The following NCOA2 variants were observed in gnomAD, a reference collection of about 807,000 sequenced individuals.
NCOA2 encodes the protein class E basic helix-loop-helix protein 75.
A neutral mutation model predicts 145.1 loss-of-function variants in NCOA2; 21 were observed. The observed-to-expected ratio is 0.14, with a 90% CI of 0.10 to 0.21. The LOEUF (loss-of-function observed/expected upper bound fraction) is 0.21, where lower values mean the gene tolerates loss of function less well. NCOA2 is among the 10% of genes least tolerant of loss of function. The probability of loss-of-function intolerance (pLI) is 1.00; values close to 1 mark genes in which losing one functional copy is unlikely to be tolerated. For missense variants in NCOA2, 1,472 were observed against 1,837.6 expected, an observed-to-expected ratio of 0.80 and a Z score of 3.64; for synonymous variants, 619 against 637.5, an observed-to-expected ratio of 0.97 and a Z score of 0.44.
intron 9 of NCOA2, among the ~76,000 whole-genome samples, chr8:70,162,278 C>T (rs1813112263): frequency 6.6e-6 from 1 of 152,200 alleles, no homozygotes; most frequent in African/African-American, 2.4e-5. Flanking sequence ...CTAGAAACAC[C>T]TGGATAGTCT....
upstream of NCOA2, among the ~76,000 whole-genome samples, chr8:70,408,569 C>T (rs549348970): frequency 6.6e-6 from 1 of 152,174 alleles, no homozygotes; most frequent in South Asian, 2.1e-4. Context: ...GAAGCTGAGG[C>T]GGGAAGATCA....
chr8:70,116,459 G>A (rs533174162), intron 22 of NCOA2, among the ~76,000 whole-genome samples: 12 of 151,888 alleles, frequency 7.9e-5, no homozygotes, highest in Non-Finnish European at 4.4e-5. Flanking sequence ...GTGGAGGCAG[G>A]AGATTCGCTT....
chr8:70,434,705 C>A, the NCOA2 span, among the ~76,000 whole-genome samples: 14 of 152,214 alleles, frequency 9.2e-5, no homozygotes, highest in African/African-American at 3.4e-4. Flanking sequence ...GTAGCTAGAA[C>A]TACATGTGGG....
intron 2 of NCOA2, among the ~76,000 whole-genome samples, chr8:70,290,988 A>G (rs139303843): frequency 1.3e-5 from 2 of 152,306 alleles, no homozygotes; most frequent in Non-Finnish European, 2.9e-5. Context: ...TAAAAATCCT[A>G]CTAACTGACC....
Position 70,156,051 on chromosome 8 carries a change from T to C in NCOA2, c.2314A>G (p.Lys772Glu), listed in dbSNP as rs750309364. The C allele has an allele frequency of 1.2e-6, 2 of 1,613,478 alleles. No homozygotes were observed. Among genetic ancestry groups the C allele is most frequent in the South Asian group, 1.1e-5 (1 of 91,024 alleles). ...ITPKLERLDS[K>E]TDPASNTKLI... The stretch of plus-strand genomic sequence containing the variant: ...TTTGTGTTACTGGCAGGATCTGTCT[T>C]ACTGTCCAGTCTCTCAAGTTTGGGG... The change falls in exon 11 of 23, where the codon AAG (lysine) becomes GAG (glutamate). Residue 772 changes from lysine (K) to glutamate (E), a missense_variant. This residue lies in a region of NCOA2 where 953 missense variants were observed against 1,062.1 expected (regional missense o/e 0.90). Transcript: ENST00000452400.
the NCOA2 span, among the ~76,000 whole-genome samples, chr8:70,410,800 G>A: frequency 3.3e-5 from 5 of 152,190 alleles, no homozygotes; most frequent in African/African-American, 9.7e-5. Flanking sequence ...AAAAGTAGTC[G>A]TACGGGTGCA....
chr8:70,421,760 T>TA, the NCOA2 span, among the ~76,000 whole-genome samples: 1,089 of 140,758 alleles, frequency 7.7e-3, 9 homozygotes, highest in African/African-American at 0.018. Flanking sequence ...GGGCTTTTGG[T>TA]AAAAAAAAAA....
chr8:70,367,916 G>GAAT (rs1810860516), intron 1 of NCOA2, among the ~76,000 whole-genome samples: 1 of 152,116 alleles, frequency 6.6e-6, no homozygotes, highest in African/African-American at 2.4e-5. Context: ...ACTTAATTCT[G>GAAT]TGTCTTTTTT....
At chr8:70,179,433 G>A (rs1263867434) in intron 4 of NCOA2, among the ~76,000 whole-genome samples, 1 of 152,124 alleles carries the variant, frequency 6.6e-6, no homozygotes, top group Non-Finnish European at 1.5e-5. Flanking sequence ...AAGAAGGGAG[G>A]AAGGGAGGAG....
In NCOA2 at chr8:70,162,194, T is replaced by C. The variant is rs115306310; in HGVS notation, c.976+517A>G. ...ATAAGGGCTGCTGTTATTACTGAAG[T>C]CTTGGGCTCAGTTCCAGCTGTCCTA... On this transcript the variant is annotated intron_variant, in intron 9 of 22. Coordinates refer to ENST00000452400, the MANE Select transcript of NCOA2 (RefSeq NM_006540.4). Among the ~76,000 whole-genome samples the C allele has an allele frequency of 5.9e-3, 902 of 152,288 alleles. 5 individuals are homozygous for C. The highest frequency in any genetic ancestry group is 0.02 in the African/African-American group (836 of 41,576).
In NCOA2 at chr8:70,266,429, G is replaced by C. The variant is rs1824599329; in HGVS notation, c.-20+30315C>G. Among the ~76,000 whole-genome samples the C allele has an allele frequency of 2.0e-5, 3 of 152,172 alleles. 1 individual carries two copies. On this transcript the variant is annotated intron_variant, in intron 2 of 22. Transcript: ENST00000452400. Reference sequence around the variant, plus strand: ...AGCAGCCATTGCTGAACAATACAATGAAAACTCCTTAATCTAGCATGTAAA... The same window carrying C: ...AGCAGCCATTGCTGAACAATACAATCAAAACTCCTTAATCTAGCATGTAAA...
At chr8:70,407,647 A>AC (rs1313963369), upstream of NCOA2, among the ~76,000 whole-genome samples, 11 of 151,668 alleles carry the variant, frequency 7.3e-5, no homozygotes, top group Non-Finnish European at 1.2e-4. Flanking sequence ...AAAAAAAAAA[A>AC]TTAGCTGGGT....
chr8:70,316,958 G>T (rs1236324924), intron 1 of NCOA2, among the ~76,000 whole-genome samples: 1 of 152,146 alleles, frequency 6.6e-6, no homozygotes, highest in Non-Finnish European at 1.5e-5. Context: ...CTGTTCGGAA[G>T]GTTGTAAGTT....
At chr8:70,263,622 G>A (rs1304613798) in intron 2 of NCOA2, among the ~76,000 whole-genome samples, 5 of 151,916 alleles carry the variant, frequency 3.3e-5, no homozygotes, top group Non-Finnish European at 5.9e-5. Flanking sequence ...AAACATCACC[G>A]GGAAGCTGAG....
At chr8:70,245,444 G>A (rs1457760913) in intron 2 of NCOA2, 1 of 152,002 alleles carries the variant, frequency 6.6e-6, no homozygotes, top group Admixed American at 6.6e-5. Flanking sequence ...AGCTACATTA[G>A]CAGAGCTTTA....
intron 4 of NCOA2, among the ~76,000 whole-genome samples, chr8:70,191,850 G>A (rs754427891): frequency 6.6e-5 from 10 of 152,134 alleles, no homozygotes; most frequent in Non-Finnish European, 1.2e-4. Flanking sequence ...AGACCAGCCT[G>A]GCCAACATGG....
At chr8:70,404,031 G>A (rs1814637493), upstream of NCOA2, among the ~76,000 whole-genome samples, 1 of 152,144 alleles carries the variant, frequency 6.6e-6, no homozygotes, top group African/African-American at 2.4e-5. Flanking sequence ...CTTGCCTCTC[G>A]CGCCCCCGAG....
At chr8:70,298,565 T>C (rs1827254207) in intron 1 of NCOA2, among the ~76,000 whole-genome samples, 1 of 152,236 alleles carries the variant, frequency 6.6e-6, no homozygotes, top group Admixed American at 6.5e-5. Flanking sequence ...GTATTCATTA[T>C]GCTGGCCTAC....
intron 2 of NCOA2, among the ~76,000 whole-genome samples, chr8:70,290,283 G>T (rs1390686503): frequency 6.6e-6 from 1 of 151,092 alleles, no homozygotes; most frequent in Non-Finnish European, 1.5e-5. Context: ...CCGCCTCCTG[G>T]GTTCACACCA....
Sources: gnomAD v4.1 joint callset for allele counts (sites outside exome capture counted in the v4.1 genomes callset) on GRCh38, gnomAD v4.1.1 for gene constraint, gnomAD v4.1.1 regional missense constraint, MANE v1.5 for transcripts, NCBI Gene and HGNC (gene_info 2026-07-23, HGNC 2026-07-21) for gene names.